AKT2: variants seen among roughly 807,000 people sequenced by gnomAD.
AKT2 encodes the protein RAC-beta serine/threonine-protein kinase.
In AKT2, 16 loss-of-function variants were observed where a neutral mutation model predicts 58.6. The ratio of observed to expected loss-of-function variants is 0.27; its 90% CI spans 0.18 to 0.41. The LOEUF (loss-of-function observed/expected upper bound fraction) is 0.41, where lower values mean the gene tolerates loss of function less well. AKT2 is among the 10% of genes least tolerant of loss of function. The pLI is 1.00. For missense variants in AKT2, 438 were observed against 661.0 expected, an observed-to-expected ratio of 0.66 and a Z score of 3.70; for synonymous variants, 253 against 254.0, an observed-to-expected ratio of 1.00 and a Z score of 0.04.
At chr19:40,274,045 C>A in intron 1 of AKT2, 1 of 152,726 alleles carries the variant, frequency 6.5e-6, no homozygotes. Flanking sequence ...ATGCTGTACC[C>A]CTTGCCTGGC....
chr19:40,236,430 T>C (rs1464377571), intron 9 of AKT2, 45 bp from the exon 10 acceptor site: 1 of 1,613,114 alleles, frequency 6.2e-7, no homozygotes, highest in Non-Finnish European at 8.5e-7. Flanking sequence ...TCCCAAGGCT[T>C]CCTGCCACCC....
chr19:40,243,478 C>T (rs909342748), intron 4 of AKT2: 1 of 152,410 alleles, frequency 6.6e-6, no homozygotes, highest in African/African-American at 2.4e-5. Context: ...GGGGACAGTC[C>T]ACTGGGAGCA....
chr19:40,242,853 T>G lies in AKT2; in HGVS notation c.288-166A>C. Reference sequence around the variant, plus strand: ...AGAACCAGAGAGAGCTGAAGGGACCTGAGTGAAATTCCACGCCAGGCGCAG... The same window carrying G: ...AGAACCAGAGAGAGCTGAAGGGACCGGAGTGAAATTCCACGCCAGGCGCAG... On this transcript the variant is annotated intron_variant, in intron 4 of 13. Coordinates refer to ENST00000392038, the MANE Select transcript of AKT2 (RefSeq NM_001626.6). The surrounding 1 kb of genome is among the most constrained non-coding windows in gnomAD (Gnocchi z 4.3). 1.3e-6 allele frequency: 1 copy of G among 753,380 alleles called. No individual in the cohort carries two copies. Among genetic ancestry groups the G allele is most frequent in the Non-Finnish European group, 2.2e-6 (1 of 456,430 alleles). The allele number at this position is 753,380 out of a possible 1,614,324, so 46.7% of individuals were successfully genotyped here. A position where few individuals can be genotyped will look rare whatever the true frequency, so the allele number is the denominator to read the frequency against.
chr19:40,265,892 GT>G (rs1976315609), intron 1 of AKT2: 1 of 160,302 alleles, frequency 6.2e-6, no homozygotes, highest in Non-Finnish European at 1.4e-5. Context: ...GCACACTCCC[GT>G]CCCCCCATGC....
intron 1 of AKT2, among the ~76,000 whole-genome samples, chr19:40,270,145 C>G (rs1417935384): frequency 6.6e-6 from 1 of 152,210 alleles, no homozygotes; most frequent in Non-Finnish European, 1.5e-5. Flanking sequence ...AGAAGCCTTC[C>G]TAACCTCCCT....
At chr19:40,267,999 C>T (rs1976486345) in intron 1 of AKT2, among the ~76,000 whole-genome samples, 1 of 152,040 alleles carries the variant, frequency 6.6e-6, no homozygotes, top group African/African-American at 2.4e-5. Context: ...AATGCAAGGA[C>T]CTGAGGCAGG....
intron 1 of AKT2, among the ~76,000 whole-genome samples, chr19:40,270,187 C>G (rs1316404054): frequency 6.6e-6 from 1 of 152,222 alleles, no homozygotes; most frequent in Non-Finnish European, 1.5e-5. Context: ...CCTCCCCTTA[C>G]CCTTACCCTT....
At position 40,242,163 on chromosome 19, in the gene AKT2, C is replaced by G; in HGVS notation, c.442-94G>C. The G allele has an allele frequency of 6.4e-7, 1 of 1,564,090 alleles. No homozygotes were observed. Among genetic ancestry groups the G allele is most frequent in the South Asian group, 1.1e-5 (1 of 89,254 alleles). ...AAAGAAAGAGGAAAACCAAAAGACA[C>G]TGTTGCCAAACGGCTTAGGCTGGAG... On this transcript the variant is annotated intron_variant, in intron 5 of 13. Coordinates refer to ENST00000392038, the MANE Select transcript of AKT2 (RefSeq NM_001626.6). The surrounding 1 kb of genome is among the most constrained non-coding windows in gnomAD (Gnocchi z 4.3).
chr19:40,251,233 T>A (rs1157118919), intron 4 of AKT2, among the ~76,000 whole-genome samples: 1 of 152,148 alleles, frequency 6.6e-6, no homozygotes. Context: ...TTAAAAAATT[T>A]TAATTAAAAT....
chr19:40,235,324 T>C lies in AKT2; in HGVS notation c.1202A>G (p.Lys401Arg), dbSNP rs1256885928. 5 of 1,613,940 alleles carry C rather than the reference T, an allele frequency of 3.1e-6. No homozygotes were observed. The East Asian group carries it at 1.1e-4, about 36-fold the overall frequency. Residue 401 changes from lysine to arginine, a missense_variant, in exon 12 of 14, where the codon AAG becomes AGG. Lys to Arg is a conservative substitution (Grantham distance 26, BLOSUM62 2). Transcript: ENST00000392038. This position sits in a 1 kb window ranked among gnomAD's most constrained non-coding sequence, Gnocchi z 6.3. The part of the protein sequence containing the change: ...QRLGGGPSDA[K>R]EVMEHRFFLS... ...GAAGAACCTGTGCTCCATGACCTCCTTGGCATCGCTGGGCCCCCCACCAAG... is the reference window on the plus strand; with the variant it reads ...GAAGAACCTGTGCTCCATGACCTCCCTGGCATCGCTGGGCCCCCCACCAAG...
chr19:40,252,930 GAT>G (rs1159655751), intron 4 of AKT2, among the ~76,000 whole-genome samples: 1 of 152,180 alleles, frequency 6.6e-6, no homozygotes, highest in Non-Finnish European at 1.5e-5. Flanking sequence ...GCTGGCTTGA[GAT>G]GGTAATTTTG....
intron 2 of AKT2, among the ~76,000 whole-genome samples, chr19:40,264,688 C>T (rs114771930): frequency 6.6e-6 from 1 of 152,092 alleles, no homozygotes; most frequent in Admixed American, 6.5e-5. Flanking sequence ...TGACCACTGC[C>T]GTCTCCTCCG....
chr19:40,270,122 C>A (rs951415432), intron 1 of AKT2, among the ~76,000 whole-genome samples: 6 of 152,220 alleles, frequency 3.9e-5, no homozygotes, highest in Non-Finnish European at 8.8e-5. Flanking sequence ...CCTCTGCTCA[C>A]GTCCCTTTCT....
intron 6 of AKT2, chr19:40,240,846 G>T (rs1974360444): frequency 5.9e-6 from 1 of 170,700 alleles, no homozygotes; most frequent in African/African-American, 2.4e-5. Flanking sequence ...GAGTGCAGTG[G>T]TGTGAACATG....
chr19:40,238,133 C>T lies in AKT2; in HGVS notation c.709-42G>A. 6.4e-7 allele frequency: 1 copy of T among 1,561,670 alleles called. No homozygotes were observed. The highest frequency in any genetic ancestry group is 8.7e-7 in the Non-Finnish European group (1 of 1,153,478). ...TGGGGAGAGGAGGTCAGGCCCCAGCCCACCCACCTGCCCTCACCTTCCCAG... is the reference window on the plus strand; with the variant it reads ...TGGGGAGAGGAGGTCAGGCCCCAGCTCACCCACCTGCCCTCACCTTCCCAG... On this transcript the variant is annotated intron_variant, in intron 8 of 13. Coordinates refer to ENST00000392038, the MANE Select transcript of AKT2 (RefSeq NM_001626.6). This position sits in a 1 kb window ranked among gnomAD's most constrained non-coding sequence, Gnocchi z 5.1.
intron 1 of AKT2, chr19:40,282,408 C>A: frequency 2.2e-6 from 1 of 447,260 alleles, no homozygotes; most frequent in South Asian, 1.6e-5. Context: ...TCACCCCCTG[C>A]ATGGCTCTCT....
At chr19:40,249,638 C>T (rs1197687767) in intron 4 of AKT2, among the ~76,000 whole-genome samples, 3 of 152,254 alleles carry the variant, frequency 2.0e-5, no homozygotes, top group Non-Finnish European at 4.4e-5. Flanking sequence ...GGGGCATTTA[C>T]AGCTGGAGGG....
intron 6 of AKT2, chr19:40,240,318 GAA>G (rs1466148027): frequency 1.7e-5 from 13 of 748,614 alleles, no homozygotes; most frequent in Non-Finnish European, 3.2e-5. Flanking sequence ...AGCCACAGGT[GAA>G]AAGTCAGCAG....
Position 40,233,382 on chromosome 19 carries a change from T to C in AKT2, c.*490A>G. 2.3e-6 allele frequency: 1 copy of C among 427,106 alleles called. No individual in the cohort carries two copies. The highest frequency in any genetic ancestry group is 3.5e-5 in the Admixed American group (1 of 28,222). 26.5% of individuals were successfully genotyped at this position (427,106 alleles called of 1,614,324 possible). ...TCTGCCCCCATAGGGGGACAGCGGG[T>C]GGGGGATTGGACCGCCCCGTGCCTG... On this transcript the variant is annotated 3_prime_UTR_variant, in exon 14 of 14. Coordinates refer to ENST00000392038, the MANE Select transcript of AKT2 (RefSeq NM_001626.6). The surrounding 1 kb of genome is among the most constrained non-coding windows in gnomAD (Gnocchi z 4.3).
Sources: allele counts gnomAD v4.1 joint callset (sites outside exome capture counted in the v4.1 genomes callset), GRCh38; gene constraint gnomAD v4.1.1; non-coding constraint Gnocchi (gnomAD v3.1); transcripts MANE v1.5; gene names NCBI Gene and HGNC (gene_info 2026-07-23, HGNC 2026-07-21).